VEZT: variants seen among roughly 807,000 people sequenced by gnomAD.
VEZT encodes vezatin.
A neutral mutation model predicts 79.9 loss-of-function variants in VEZT; 39 were observed. The observed-to-expected ratio is 0.49, with a 90% CI of 0.38 to 0.64. The LOEUF is 0.64. VEZT is among the 30% of genes least tolerant of loss of function. The pLI, the probability that VEZT is intolerant of heterozygous loss-of-function variation, is 0.00. For synonymous variants in VEZT, 325 were observed against 327.6 expected (o/e 0.99, Z 0.09); for missense variants, 837 against 893.1 (o/e 0.94, Z 0.80).
At chr12:95,285,613 GTC>G (rs2070545513) in intron 8 of VEZT, among the ~76,000 whole-genome samples, 1 of 151,742 alleles carries the variant, frequency 6.6e-6, no homozygotes, top group Non-Finnish European at 1.5e-5. Flanking sequence ...TCATAACACT[GTC>G]TCTCTGTGGT....
intron 1 of VEZT, among the ~76,000 whole-genome samples, chr12:95,239,742 A>G (rs981091828): frequency 6.6e-6 from 1 of 152,172 alleles, no homozygotes; most frequent in Non-Finnish European, 1.5e-5. Flanking sequence ...ACTTGAGGTC[A>G]GGAGTTTGAG....
intron 11 of VEZT, among the ~76,000 whole-genome samples, chr12:95,298,135 T>A (rs1188881312): frequency 1.1e-4 from 17 of 150,554 alleles, no homozygotes; most frequent in African/African-American, 4.1e-4. Context: ...ATAATAATAA[T>A]AATAATAATA....
chr12:95,264,909 G>C (rs1342966158), intron 4 of VEZT, among the ~76,000 whole-genome samples: 1 of 98,022 alleles, frequency 1.0e-5, no homozygotes, highest in African/African-American at 4.3e-5. Context: ...GTCCTGCTTT[G>C]CCACCCAGGC....
intron 9 of VEZT, among the ~76,000 whole-genome samples, chr12:95,289,165 C>A (rs2071939855): frequency 6.6e-6 from 1 of 150,666 alleles, no homozygotes; most frequent in South Asian, 2.1e-4. Flanking sequence ...CGCCTGTAAT[C>A]CCAGCACTTT....
chr12:95,282,282 T>C (rs747060404), intron 7 of VEZT, 31 bp from the exon 8 acceptor site: 16 of 1,528,374 alleles, frequency 1.0e-5, no homozygotes, highest in Non-Finnish European at 1.4e-5. Context: ...ATATTTTTAT[T>C]GATCTAGTTC....
intron 2 of VEZT, among the ~76,000 whole-genome samples, chr12:95,256,028 A>T (rs1593500998): frequency 6.7e-6 from 1 of 150,236 alleles, no homozygotes; most frequent in Admixed American, 6.6e-5. Flanking sequence ...TCTTTCCTTC[A>T]TCCTCTTCCC....
chr12:95,235,536 G>T (rs547182794), intron 1 of VEZT, among the ~76,000 whole-genome samples: 1 of 142,706 alleles, frequency 7.0e-6, no homozygotes, highest in Non-Finnish European at 1.6e-5. Context: ...CTGGCCGGGC[G>T]GGGGGCTGAC....
chr12:95,277,120 T>C (rs2067953722), intron 7 of VEZT, among the ~76,000 whole-genome samples: 1 of 152,212 alleles, frequency 6.6e-6, no homozygotes, highest in South Asian at 2.1e-4. Context: ...AAGTTATTTG[T>C]TTCAGAATGC....
intron 1 of VEZT, among the ~76,000 whole-genome samples, chr12:95,233,353 A>G (rs1452077335): frequency 6.6e-6 from 1 of 151,846 alleles, no homozygotes; most frequent in Non-Finnish European, 1.5e-5. Context: ...CAGAAGTACC[A>G]CTGTAATCAC....
At chr12:95,273,848 G>A (rs1486627535) in intron 6 of VEZT, among the ~76,000 whole-genome samples, 2 of 152,070 alleles carry the variant, frequency 1.3e-5, no homozygotes, top group Admixed American at 6.5e-5. Context: ...ATTATAATAT[G>A]ACCAAATAGG....
At chr12:95,242,222 A>G (rs2061118239) in intron 1 of VEZT, 4 of 152,184 alleles carry the variant, frequency 2.6e-5, no homozygotes, top group Admixed American at 1.3e-4. Flanking sequence ...TGACCTGGAC[A>G]TGGTGGCTCA....
chr12:95,226,110 A>AT (rs1417910863), intron 1 of VEZT, among the ~76,000 whole-genome samples: 1 of 151,914 alleles, frequency 6.6e-6, no homozygotes, highest in Non-Finnish European at 1.5e-5. Flanking sequence ...AAAAAAAAAA[A>AT]AAAAAAGAAC....
At chr12:95,245,639 T>G in intron 1 of VEZT, 2 of 453,250 alleles carry the variant, frequency 4.4e-6, no homozygotes, top group Non-Finnish European at 8.9e-6. Context: ...TTACAACTTG[T>G]TCTATCTATA....
At chr12:95,290,884 G>C (rs1386943712) in intron 9 of VEZT, 2 of 151,866 alleles carry the variant, frequency 1.3e-5, no homozygotes, top group Non-Finnish European at 2.9e-5. Context: ...GTAAGCTCAG[G>C]AAATCATTGA....
At chr12:95,233,417 T>A (rs372505486) in intron 1 of VEZT, among the ~76,000 whole-genome samples, 22 of 152,208 alleles carry the variant, frequency 1.4e-4, no homozygotes, top group African/African-American at 5.3e-4. Flanking sequence ...TTATGTTTTT[T>A]GAGACAGAGT....
rs1395355464 is a variant in VEZT, at chr12:95,217,952, A to C, written c.36+66A>C. The C allele has an allele frequency of 3.5e-6, 5 of 1,422,840 alleles. No homozygotes were observed. In the African/African-American group the frequency reaches 7.5e-5, roughly 21 times the overall value. 88.1% of individuals were successfully genotyped at this position (1,422,840 alleles called of 1,614,324 possible). A position where few individuals can be genotyped will look rare whatever the true frequency, so the allele number is the denominator to read the frequency against. ...GAGAAGGACGAGACGGAAATCGAGG[A>C]AGCAAGGCGTTCCCGGGGCGAGGGA... On this transcript the variant is annotated intron_variant, in intron 1 of 11. Transcript: ENST00000436874.
At chr12:95,225,184 T>C (rs1036964221) in intron 1 of VEZT, among the ~76,000 whole-genome samples, 7 of 152,148 alleles carry the variant, frequency 4.6e-5, no homozygotes, top group Non-Finnish European at 7.4e-5. Flanking sequence ...CATAGGGAAT[T>C]AATGGTTAGA....
At chr12:95,231,477 A>G (rs2136878165) in intron 1 of VEZT, 1 of 152,342 alleles carries the variant, frequency 6.6e-6, no homozygotes, top group African/African-American at 2.4e-5. Flanking sequence ...TATGGATAAA[A>G]AAGAATATGG....
intron 1 of VEZT, chr12:95,245,516 C>T (rs1347568332): frequency 2.2e-6 from 1 of 456,712 alleles, no homozygotes; most frequent in Admixed American, 2.3e-5. Flanking sequence ...GTTTTATCCC[C>T]TGTGCCTACA....
Sources: gnomAD v4.1 joint callset for allele counts (sites outside exome capture counted in the v4.1 genomes callset) on GRCh38, gnomAD v4.1.1 for gene constraint, MANE v1.5 for transcripts, NCBI Gene and HGNC (gene_info 2026-07-23, HGNC 2026-07-21) for gene names.